The following STX8 variants were observed in gnomAD, a reference collection of about 807,000 sequenced individuals.
STX8 encodes syntaxin-8.
In STX8, 23 loss-of-function variants were observed where a neutral mutation model predicts 37.5. The ratio of observed to expected loss-of-function variants is 0.61; its 90% CI spans 0.44 to 0.87. The LOEUF (loss-of-function observed/expected upper bound fraction) is 0.87. Ranked by LOEUF, STX8 falls within the 40% of genes least tolerant of loss-of-function variation. The pLI is 0.00. For missense variants in STX8, 313 were observed against 284.7 expected (o/e 1.10, Z -0.71); for synonymous variants, 115 against 99.1 (o/e 1.16, Z -0.95).
chr17:9,376,076 G>A (rs897396575), intron 7 of STX8, among the ~76,000 whole-genome samples: 5 of 152,146 alleles, frequency 3.3e-5, no homozygotes, highest in Non-Finnish European at 7.4e-5. Flanking sequence ...AGGAAACTGA[G>A]GCCCAGATTA....
intron 7 of STX8, among the ~76,000 whole-genome samples, chr17:9,306,002 C>T (rs1449059794): frequency 6.6e-6 from 1 of 152,108 alleles, no homozygotes; most frequent in Admixed American, 6.5e-5. Flanking sequence ...CTCAGCCTCC[C>T]AAAGTGCTGG....
intron 6 of STX8, among the ~76,000 whole-genome samples, chr17:9,410,279 TAAAG>T (rs757805339): frequency 1.3e-5 from 2 of 152,346 alleles, no homozygotes; most frequent in East Asian, 3.9e-4. Context: ...TATCTGCTGA[TAAAG>T]AATCATCTGT....
At chr17:9,535,282 T>C (rs1402564249) in intron 4 of STX8, among the ~76,000 whole-genome samples, 1 of 152,008 alleles carries the variant, frequency 6.6e-6, no homozygotes, top group African/African-American at 2.4e-5. Context: ...GTTTAACAAC[T>C]TTCTTTGGGA....
intron 7 of STX8, among the ~76,000 whole-genome samples, chr17:9,332,024 T>A (rs904492888): frequency 6.6e-6 from 1 of 152,170 alleles, no homozygotes; most frequent in Admixed American, 6.6e-5. Flanking sequence ...GAGTCTGGGA[T>A]CTTCAAATAA....
chr17:9,557,905 T>A (rs369791045), intron 2 of STX8, among the ~76,000 whole-genome samples: 19 of 152,338 alleles, frequency 1.2e-4, no homozygotes, highest in African/African-American at 4.1e-4. Context: ...CGAGTCTTCA[T>A]TTGAGAGCAA....
intron 7 of STX8, among the ~76,000 whole-genome samples, chr17:9,359,729 C>T (rs373780495): frequency 2.0e-5 from 3 of 151,938 alleles, no homozygotes; most frequent in African/African-American, 4.8e-5. Context: ...AGGATGGTCT[C>T]GATCTCCTGA....
chr17:9,444,134 C>T (rs544165468), intron 6 of STX8, among the ~76,000 whole-genome samples: 5 of 148,558 alleles, frequency 3.4e-5, no homozygotes, highest in Admixed American at 6.8e-5. Flanking sequence ...CACACACTTT[C>T]GCACATTCTT....
At chr17:9,468,851 C>G (rs1375847560) in intron 6 of STX8, among the ~76,000 whole-genome samples, 2 of 152,196 alleles carry the variant, frequency 1.3e-5, no homozygotes, top group African/African-American at 2.4e-5. Context: ...GGGCTGTCGT[C>G]AAAGCCAGCC....
At chr17:9,388,908 A>G (rs1912112099) in intron 6 of STX8, among the ~76,000 whole-genome samples, 1 of 152,140 alleles carries the variant, frequency 6.6e-6, no homozygotes, top group African/African-American at 2.4e-5. Flanking sequence ...TGTAGCTACA[A>G]AGTCTTCAGT....
chr17:9,310,674 A>C (rs56928304), intron 7 of STX8, among the ~76,000 whole-genome samples: 21,422 of 152,022 alleles, frequency 0.14, 4,821 homozygotes, highest in African/African-American at 0.48. Context: ...TGGTCCACGG[A>C]GATCTGTTCT....
At chr17:9,379,545 C>T (rs1422519608) in intron 6 of STX8, among the ~76,000 whole-genome samples, 2 of 152,158 alleles carry the variant, frequency 1.3e-5, no homozygotes, top group Non-Finnish European at 2.9e-5. Context: ...CTTCATCTCT[C>T]GCAACGAGGC....
chr17:9,360,641 G>GA (rs1055338397), intron 7 of STX8, among the ~76,000 whole-genome samples: 2 of 75,978 alleles, frequency 2.6e-5, no homozygotes, highest in African/African-American at 5.0e-5. Context: ...CTGTCTGCAA[G>GA]AAAAAAAATA....
intron 6 of STX8, among the ~76,000 whole-genome samples, chr17:9,381,996 C>T (rs1022513169): frequency 1.3e-5 from 2 of 151,916 alleles, no homozygotes; most frequent in African/African-American, 4.8e-5. Flanking sequence ...AACAAACAAA[C>T]AATGTCCTAA....
chr17:9,326,194 G>A (rs1377827370), intron 7 of STX8, among the ~76,000 whole-genome samples: 1 of 151,716 alleles, frequency 6.6e-6, no homozygotes, highest in Non-Finnish European at 1.5e-5. Context: ...GCAGTGGCAC[G>A]ATCATGGCTC....
rs75693424 is a variant in STX8, at chr17:9,410,682, G to A, written c.542-32029C>T. Reference sequence around the variant, plus strand: ...ATAAATTAATTACCAAATTCCATGTGTTGACAAGCAAACACTCTAATGTTT... The same window carrying A: ...ATAAATTAATTACCAAATTCCATGTATTGACAAGCAAACACTCTAATGTTT... On this transcript the variant is annotated intron_variant, in intron 6 of 7. Transcript: ENST00000306357. Among the ~76,000 whole-genome samples, 43 of 152,290 alleles carry A rather than the reference G, an allele frequency of 2.8e-4. 1 individual carries two copies. The East Asian group carries it at 4.2e-3, about 15-fold the overall frequency.
intron 6 of STX8, among the ~76,000 whole-genome samples, chr17:9,470,307 G>C (rs1905796431): frequency 6.6e-6 from 1 of 152,212 alleles, no homozygotes; most frequent in Admixed American, 6.6e-5. Context: ...CTACTCAGCA[G>C]CTTCAGTCTC....
intron 7 of STX8, among the ~76,000 whole-genome samples, chr17:9,355,613 CT>C (rs967796240): frequency 2.0e-5 from 3 of 151,778 alleles, no homozygotes; most frequent in African/African-American, 7.3e-5. Flanking sequence ...AGCGATTCTC[CT>C]GCCTCAGCCT....
At chr17:9,423,146 G>A (rs778883158) in intron 6 of STX8, among the ~76,000 whole-genome samples, 4 of 152,016 alleles carry the variant, frequency 2.6e-5, no homozygotes, top group African/African-American at 4.8e-5. Context: ...CAAAAGAAAC[G>A]TTCACTTTTC....
At chr17:9,399,587 C>T (rs991583449) in intron 6 of STX8, among the ~76,000 whole-genome samples, 6 of 152,022 alleles carry the variant, frequency 3.9e-5, no homozygotes, top group African/African-American at 9.7e-5. Flanking sequence ...GAGATCCGGC[C>T]GGGTGCGGTG....
Sources: gnomAD v4.1 joint callset for allele counts (sites outside exome capture counted in the v4.1 genomes callset) on GRCh38, gnomAD v4.1.1 for gene constraint, MANE v1.5 for transcripts, NCBI Gene and HGNC (gene_info 2026-07-23, HGNC 2026-07-21) for gene names.